ZMYM2: variants seen among roughly 807,000 people sequenced by gnomAD.
ZMYM2 encodes the protein zinc finger MYM-type protein 2.
ZMYM2 carries 56 observed loss-of-function variants against 162.8 expected under a neutral mutation model. That is an observed-to-expected ratio of 0.34 (90% CI 0.28 to 0.43). The LOEUF (loss-of-function observed/expected upper bound fraction) is 0.43, where lower values mean the gene tolerates loss of function less well. Among genes scored for constraint, ZMYM2 ranks in the 20% least tolerant of loss-of-function variants. The pLI is 1.00. For missense variants in ZMYM2, 1,275 were observed against 1,621.8 expected (o/e 0.79, Z 3.67); for synonymous variants, 510 against 541.6 (o/e 0.94, Z 0.81).
rs546733461 is a variant in ZMYM2, at chr13:19,959,503, G to T, written c.-79-455G>T. ...CTGCCGGTCGCCGACTGCAGGGGGG[G>T]GCAAACCTCAGGCCCAGGGCAACTG... is the stretch of plus-strand genomic sequence containing the variant. On this transcript the variant is annotated intron_variant, in intron 1 of 24. Coordinates refer to ENST00000610343, the MANE Select transcript of ZMYM2 (RefSeq NM_197968.4). Among the ~76,000 whole-genome samples, 192 of 152,292 alleles carry T rather than the reference G, an allele frequency of 1.3e-3. 1 individual carries two copies. Among genetic ancestry groups the T allele is most frequent in the African/African-American group, 4.4e-3 (184 of 41,576 alleles).
intron 2 of ZMYM2, among the ~76,000 whole-genome samples, chr13:19,990,595 A>G (rs1166751103): frequency 6.6e-6 from 1 of 152,244 alleles, no homozygotes; most frequent in East Asian, 1.9e-4. Flanking sequence ...TTTAAAAAAA[A>G]GTGATAAATC....
intron 12 of ZMYM2, among the ~76,000 whole-genome samples, chr13:20,045,886 G>C (rs4769936): frequency 0.96 from 146,364 of 152,084 alleles, 70,677 homozygotes; most frequent in East Asian, 1. Context: ...GTTCACAGCA[G>C]ATACTGAATG....
chr13:19,920,272 T>C, the ZMYM2 span, among the ~76,000 whole-genome samples: 1 of 152,200 alleles, frequency 6.6e-6, no homozygotes, highest in African/African-American at 2.4e-5. Flanking sequence ...ATGGTGTCTG[T>C]CAAAAAAAAC....
chr13:20,012,175 G>A (rs539071515), intron 6 of ZMYM2, among the ~76,000 whole-genome samples: 7 of 151,214 alleles, frequency 4.6e-5, no homozygotes, highest in South Asian at 4.2e-4. Flanking sequence ...GTGAGCCTCC[G>A]CCCCTGGTCT....
chr13:20,037,708 GTGTGTA>G (rs1178877417), intron 12 of ZMYM2, among the ~76,000 whole-genome samples: 2 of 151,990 alleles, frequency 1.3e-5, no homozygotes, highest in South Asian at 2.1e-4. Flanking sequence ...AACCATAAAT[GTGTGTA>G]TGTGTATGTG....
chr13:20,016,377 A>C (rs538781901), intron 6 of ZMYM2, among the ~76,000 whole-genome samples: 29 of 152,294 alleles, frequency 1.9e-4, no homozygotes, highest in African/African-American at 7.0e-4. Flanking sequence ...TTGTCTTTAA[A>C]ATCATGTAGG....
the ZMYM2 span, among the ~76,000 whole-genome samples, chr13:19,866,671 T>C: frequency 6.6e-6 from 1 of 151,886 alleles, no homozygotes; most frequent in Non-Finnish European, 1.5e-5. Flanking sequence ...TCTCAAAAAC[T>C]AACTAAATAA....
intron 9 of ZMYM2, 79 bp downstream of exon 9, chr13:20,027,397 A>C: frequency 9.1e-7 from 1 of 1,098,450 alleles, no homozygotes; most frequent in South Asian, 2.0e-5. Context: ...AATATGCTTT[A>C]TTTTATCTTA....
intron 7 of ZMYM2, among the ~76,000 whole-genome samples, chr13:20,023,235 A>C (rs1470142275): frequency 2.0e-5 from 3 of 152,216 alleles, no homozygotes; most frequent in Non-Finnish European, 4.4e-5. Context: ...GCGATGTCAC[A>C]GACTAAAGTT....
At chr13:20,037,008 G>C in intron 12 of ZMYM2, 99 bp downstream of exon 12, 1 of 1,205,760 alleles carries the variant, frequency 8.3e-7, no homozygotes, top group African/African-American at 1.5e-5. Context: ...TTTTAAAAAT[G>C]TACACACTTA....
At chr13:19,875,652 ATT>A in the ZMYM2 span, among the ~76,000 whole-genome samples, 1 of 119,432 alleles carries the variant, frequency 8.4e-6, no homozygotes, top group African/African-American at 2.8e-5. Context: ...AAAAAAAAAA[ATT>A]ATGTTATTGT....
At chr13:20,030,775 C>A (rs1174213062) in intron 9 of ZMYM2, among the ~76,000 whole-genome samples, 3 of 152,154 alleles carry the variant, frequency 2.0e-5, no homozygotes, top group African/African-American at 7.2e-5. Context: ...CTTGGGTGAT[C>A]TGCCCGCCTT....
Position 20,087,549 on chromosome 13 carries a change from T to C in ZMYM2, c.*1535T>C. The C allele has an allele frequency of 5.4e-6, 1 of 185,928 alleles. No individual in the cohort carries two copies. Among genetic ancestry groups the C allele is most frequent in the East Asian group, 8.7e-5 (1 of 11,506 alleles). The allele number at this position is 185,928 out of a possible 1,614,324, so 11.5% of individuals were successfully genotyped here. A position where few individuals can be genotyped will look rare whatever the true frequency, so the allele number is the denominator to read the frequency against. ...ATTGCTACACATCCTTAGATACTCC[T>C]CTCTCCCATAGGATAAATGTTACAG... On this transcript the variant is annotated 3_prime_UTR_variant, in exon 25 of 25. Transcript: ENST00000610343.
rs954524567 is a variant in ZMYM2 at position 20,086,506 on chromosome 13, T to G, written c.*492T>G. ...TAATAGGCTGGGGTTTTTGTTTTGT[T>G]TTGGGGTTTTGTTTTGTTTGGTTTT... On this transcript the variant is annotated 3_prime_UTR_variant, in exon 25 of 25. Coordinates refer to ENST00000610343, the MANE Select transcript of ZMYM2 (RefSeq NM_197968.4). 3.7e-5 allele frequency: 8 copies of G among 217,534 alleles called. No individual in the cohort carries two copies. The highest frequency in any genetic ancestry group is 7.4e-5 in the Non-Finnish European group (8 of 107,910). 13.5% of individuals were successfully genotyped at this position (217,534 alleles called of 1,614,324 possible). A position where few individuals can be genotyped will look rare whatever the true frequency, so the allele number is the denominator to read the frequency against.
At chr13:19,938,148 A>G in the ZMYM2 span, among the ~76,000 whole-genome samples, 1 of 152,082 alleles carries the variant, frequency 6.6e-6, no homozygotes, top group Non-Finnish European at 1.5e-5. Flanking sequence ...ATGATTTATA[A>G]TCCTTTGGGT....
chr13:20,039,473 G>GTTT (rs71070289), intron 12 of ZMYM2, among the ~76,000 whole-genome samples: 26 of 101,218 alleles, frequency 2.6e-4, no homozygotes, highest in African/African-American at 7.8e-4. Context: ...TTTATTGAGA[G>GTTT]TTTTTTTTTT....
chr13:19,978,324 G>A (rs1956972167), intron 2 of ZMYM2, among the ~76,000 whole-genome samples: 1 of 151,672 alleles, frequency 6.6e-6, no homozygotes, highest in Non-Finnish European at 1.5e-5. Flanking sequence ...CTCTACTGCT[G>A]TACTTCTCTG....
At chr13:19,916,070 C>G in the ZMYM2 span, among the ~76,000 whole-genome samples, 1 of 151,874 alleles carries the variant, frequency 6.6e-6, no homozygotes, top group South Asian at 2.1e-4. Flanking sequence ...ACCGTGTTAG[C>G]CAGGTTGGTC....
intron 21 of ZMYM2, among the ~76,000 whole-genome samples, chr13:20,068,925 T>C (rs1273991832): frequency 3.3e-5 from 5 of 152,098 alleles, no homozygotes; most frequent in Non-Finnish European, 1.5e-5. Context: ...AGAAATTTCA[T>C]TTCTGGTAGA....
Sources: allele counts gnomAD v4.1 joint callset (sites outside exome capture counted in the v4.1 genomes callset), GRCh38; gene constraint gnomAD v4.1.1; transcripts MANE v1.5; gene names NCBI Gene and HGNC (gene_info 2026-07-23, HGNC 2026-07-21).